Variants in PRR11 observed in about 807,000 individuals in gnomAD.
PRR11 encodes the protein proline rich 11.
A neutral mutation model predicts 45.6 loss-of-function variants in PRR11; 30 were observed. That is an observed-to-expected ratio of 0.66 (90% CI 0.49 to 0.89). The LOEUF (loss-of-function observed/expected upper bound fraction) is 0.89. PRR11 is among the 40% of genes least tolerant of loss of function. PRR11 has a pLI of 0.00. For synonymous variants in PRR11, 128 were observed against 153.5 expected (o/e 0.83, Z 1.23); for missense variants, 373 against 424.8 (o/e 0.88, Z 1.07).
rs530680072 is a variant in PRR11 at position 59,160,083 on chromosome 17, C to CA, written c.-6+4288dup. Among the ~76,000 whole-genome samples the CA allele has an allele frequency of 5.2e-3, 751 of 144,064 alleles. 2 individuals carry two copies. Among genetic ancestry groups the CA allele is most frequent in the Non-Finnish European group, 6.8e-3 (446 of 65,524 alleles). The allele number at this position is 144,064 out of a possible 152,430, so 94.5% of individuals were successfully genotyped here. A position where few individuals can be genotyped will look rare whatever the true frequency, so the allele number is the denominator to read the frequency against. ...AATCTGATATAGTAATCTCAAGCAG[C>CA]AAAAAAAAAAGAATCAAAGAATAAT... is the stretch of plus-strand genomic sequence containing the variant. On this transcript the variant is annotated intron_variant, in intron 1 of 9. Coordinates refer to ENST00000262293, the MANE Select transcript of PRR11 (RefSeq NM_018304.4).
rs768857934 is a variant in PRR11 at position 59,204,716 on chromosome 17, AAAAGAAAG to A, written c.*3097_*3104del. ...GTGAGACCCTGTGTCAAAAAAAAAA[AAAAGAAAG>A]AAAGAAAGAAAAAATGCTTTATGGC... On this transcript the variant is annotated 3_prime_UTR_variant, in exon 10 of 10. Transcript: ENST00000262293. 1.3e-5 allele frequency: 2 copies of A among 152,830 alleles called. No individual in the cohort carries two copies. Among genetic ancestry groups the A allele is most frequent in the African/African-American group, 4.8e-5 (2 of 41,432 alleles). The allele number at this position is 152,830 out of a possible 1,614,324, so 9.5% of individuals were successfully genotyped here.
At chr17:59,189,838 A>T (rs775834916) in intron 4 of PRR11, among the ~76,000 whole-genome samples, 43 of 152,248 alleles carry the variant, frequency 2.8e-4, no homozygotes, top group South Asian at 8.3e-4. Context: ...CTTAAAAATT[A>T]AATTTTTTAG....
intron 7 of PRR11, among the ~76,000 whole-genome samples, chr17:59,196,255 T>A (rs569707173): frequency 6.6e-6 from 1 of 152,186 alleles, no homozygotes; most frequent in African/African-American, 2.4e-5. Flanking sequence ...GGAAAAACTA[T>A]ATCTACAATA....
intron 2 of PRR11, among the ~76,000 whole-genome samples, chr17:59,171,695 T>C (rs1231477118): frequency 2.6e-5 from 4 of 152,062 alleles, no homozygotes; most frequent in African/African-American, 9.6e-5. Context: ...ATATTAGACA[T>C]GTTAGTATAT....
In PRR11 at chr17:59,155,755, G is replaced by A. The variant is rs895144248; in HGVS notation, c.-56G>A. The A allele has an allele frequency of 1.2e-5, 2 of 162,618 alleles. No individual in the cohort carries two copies. Among genetic ancestry groups the A allele is most frequent in the Admixed American group, 5.8e-5 (1 of 17,118 alleles). 10.1% of individuals were successfully genotyped at this position (162,618 alleles called of 1,614,324 possible). Reference sequence around the variant, plus strand: ...TTAATTTTGAATTTTTCTTTATGGCGTGGGAGAGGCCACAGCCCGGACTCC... The same window carrying A: ...TTAATTTTGAATTTTTCTTTATGGCATGGGAGAGGCCACAGCCCGGACTCC... On this transcript the variant is annotated 5_prime_UTR_variant, in exon 1 of 10. It adds an upstream start codon to the 5' untranslated region. Transcript: ENST00000262293.
In PRR11 at chr17:59,206,660, T is replaced by C. The variant is rs931989599; in HGVS notation, c.*5029T>C. Among the ~76,000 whole-genome samples, 7 of 152,176 alleles carry C rather than the reference T, an allele frequency of 4.6e-5. No individual in the cohort carries two copies. Among genetic ancestry groups the C allele is most frequent in the African/African-American group, 7.2e-5 (3 of 41,446 alleles). On this transcript the variant is annotated 3_prime_UTR_variant, in exon 10 of 10. Transcript: ENST00000262293. ...ATGTAAACAACCAAGGTGCATCTGG[T>C]TATGTTTTAAAATAAAGATTAATAA... is the stretch of plus-strand genomic sequence containing the variant.
rs537606344 is a variant in PRR11, at chr17:59,181,190, A to G, written c.129-3864A>G. Reference sequence around the variant, plus strand: ...ATTTTTAGAAAGACTGTGTTTCACCATGTTAGCCAGGATGGTCTCGATCTC... The same window carrying G: ...ATTTTTAGAAAGACTGTGTTTCACCGTGTTAGCCAGGATGGTCTCGATCTC... On this transcript the variant is annotated intron_variant, in intron 2 of 9. Coordinates refer to ENST00000262293, the MANE Select transcript of PRR11 (RefSeq NM_018304.4). Among the ~76,000 whole-genome samples the G allele has an allele frequency of 1.2e-3, 189 of 151,394 alleles. 1 individual carries two copies. The highest frequency in any genetic ancestry group is 0.01 in the Middle Eastern group (3 of 292).
At position 59,185,123 on chromosome 17, in the gene PRR11, TC is replaced by T; in HGVS notation, c.200del (p.Pro67LeufsTer7). On this transcript the variant is annotated frameshift_variant, in exon 3 of 10. Transcript: ENST00000262293. LOFTEE classifies it high-confidence loss of function. The part of the protein sequence containing the change: ...WLTSSWNFNF[P>X]NIRDAIKLWT... ...TAACATCATCCTGGAACTTCAATTT[TC>T]CTAACATCAGAGATGCAATAAAACT... 1.2e-6 allele frequency: 2 copies of T among 1,613,902 alleles called. No individual in the cohort carries two copies. The highest frequency in any genetic ancestry group is 1.7e-6 in the Non-Finnish European group (2 of 1,179,800).
intron 2 of PRR11, among the ~76,000 whole-genome samples, chr17:59,172,909 A>G (rs1227037231): frequency 6.6e-6 from 1 of 152,218 alleles, no homozygotes; most frequent in Non-Finnish European, 1.5e-5. Context: ...GTGTGGGCAC[A>G]TGGCGCAGGG....
intron 9 of PRR11, among the ~76,000 whole-genome samples, chr17:59,200,453 C>CT (rs771750877): frequency 0.01 from 1,509 of 148,052 alleles, 18 homozygotes; most frequent in South Asian, 0.029. Flanking sequence ...TAAATTAGGA[C>CT]TTTTTTTTTT....
intron 4 of PRR11, among the ~76,000 whole-genome samples, chr17:59,189,451 A>C (rs1245848541): frequency 6.6e-6 from 1 of 151,866 alleles, no homozygotes; most frequent in African/African-American, 2.4e-5. Context: ...CTTCTGCCTC[A>C]ACCTCCCAAG....
At chr17:59,157,855 GT>G (rs1265872348) in intron 1 of PRR11, among the ~76,000 whole-genome samples, 1 of 152,184 alleles carries the variant, frequency 6.6e-6, no homozygotes, top group African/African-American at 2.4e-5. Context: ...CTAGGTATAA[GT>G]TGACTTGGAA....
At chr17:59,180,501 T>TTTTTTTTTG (rs57628359) in intron 2 of PRR11, among the ~76,000 whole-genome samples, 10,446 of 116,060 alleles carry the variant, frequency 0.09, 986 homozygotes, top group African/African-American at 0.21. Flanking sequence ...TCCTTGTTTT[T>TTTTTTTTTG]TTTTTTTTGT....
chr17:59,169,924 T>G, intron 2 of PRR11, 44 bp downstream of exon 2: 7 of 1,571,482 alleles, frequency 4.5e-6, no homozygotes, highest in Non-Finnish European at 5.1e-6. Context: ...AGAGATCTGA[T>G]CAGTTTAAGA....
chr17:59,194,863 G>A lies in PRR11; in HGVS notation c.744+8G>A. On this transcript the variant is annotated splice_region_variant and intron_variant, in intron 6 of 9. Coordinates refer to ENST00000262293, the MANE Select transcript of PRR11 (RefSeq NM_018304.4). The stretch of plus-strand genomic sequence containing the variant: ...TTAGATGAAAAGAGGAAGGTAAGAT[G>A]TCATTGACCACATACATGCTCTTTT... 1 of 1,601,902 alleles carries A rather than the reference G, an allele frequency of 6.2e-7. No homozygotes were observed. Among genetic ancestry groups the A allele is most frequent in the Non-Finnish European group, 8.6e-7 (1 of 1,169,490 alleles).
chr17:59,198,870 A>G (rs2046879278), intron 9 of PRR11, among the ~76,000 whole-genome samples: 1 of 152,128 alleles, frequency 6.6e-6, no homozygotes, highest in Non-Finnish European at 1.5e-5. Flanking sequence ...AGGTAGGATT[A>G]TCATGTCTAT....
intron 7 of PRR11, 102 bp from the exon 8 acceptor site, chr17:59,197,441 CA>C (rs112714589): frequency 0.028 from 30,864 of 1,087,984 alleles, 1,287 homozygotes; most frequent in Admixed American, 0.13. Context: ...TTAATAGAGA[CA>C]AGGTTTCACC....
chr17:59,176,335 G>T (rs1317369485), intron 2 of PRR11, among the ~76,000 whole-genome samples: 1 of 152,146 alleles, frequency 6.6e-6, no homozygotes, highest in African/African-American at 2.4e-5. Flanking sequence ...AGTTGTTCAG[G>T]TGGGCAGTGA....
chr17:59,169,172 C>T (rs1599692868), intron 1 of PRR11, among the ~76,000 whole-genome samples: 1 of 145,146 alleles, frequency 6.9e-6, no homozygotes, highest in Non-Finnish European at 1.5e-5. Context: ...AATCTCAGCT[C>T]GCCACAACCT....
Sources: gnomAD v4.1 joint callset for allele counts (sites outside exome capture counted in the v4.1 genomes callset) on GRCh38, gnomAD v4.1.1 for gene constraint, MANE v1.5 for transcripts, NCBI Gene and HGNC (gene_info 2026-07-23, HGNC 2026-07-21) for gene names.